Variants in ADCY2 observed in about 807,000 individuals in gnomAD.
ADCY2 encodes the protein adenylate cyclase 2, also known as adenylate cyclase type 2.
A neutral mutation model predicts 125.2 loss-of-function variants in ADCY2; 31 were observed. That is an observed-to-expected ratio of 0.25 (90% CI 0.19 to 0.33). The LOEUF (loss-of-function observed/expected upper bound fraction) is 0.33, where lower values mean the gene tolerates loss of function less well. ADCY2 is among the 10% of genes least tolerant of loss of function. The probability of loss-of-function intolerance (pLI) is 1.00; values close to 1 mark genes in which losing one functional copy is unlikely to be tolerated. For missense variants in ADCY2, 904 were observed against 1,418.2 expected, an observed-to-expected ratio of 0.64 and a Z score of 5.82; for synonymous variants, 512 against 548.4, an observed-to-expected ratio of 0.93 and a Z score of 0.93.
At chr5:7,513,154 TG>T (rs1744134827) in intron 2 of ADCY2, among the ~76,000 whole-genome samples, 2 of 149,864 alleles carry the variant, frequency 1.3e-5, no homozygotes, top group African/African-American at 2.5e-5. Flanking sequence ...GAGAAAGATC[TG>T]GGGAGAGAGG....
intron 2 of ADCY2, among the ~76,000 whole-genome samples, chr5:7,496,959 G>A (rs192464085): frequency 6.6e-6 from 1 of 152,130 alleles, no homozygotes; most frequent in East Asian, 1.9e-4. Flanking sequence ...GTACTTAATT[G>A]ACCCTTAAAT....
intron 2 of ADCY2, among the ~76,000 whole-genome samples, chr5:7,457,573 G>T (rs1315639005): frequency 6.6e-6 from 1 of 152,164 alleles, no homozygotes; most frequent in Non-Finnish European, 1.5e-5. Context: ...AGCGGTGGTG[G>T]GAAGGACTCC....
intron 22 of ADCY2, among the ~76,000 whole-genome samples, chr5:7,810,430 T>G (rs1376951559): frequency 2.6e-5 from 4 of 151,910 alleles, no homozygotes; most frequent in African/African-American, 4.8e-5. Flanking sequence ...ATCTGCCTGA[T>G]GGGTGGGTTA....
Position 7,802,512 on chromosome 5 carries a change from AT to A in ADCY2, c.2775+151del. ...AGATGGCATTAAAGCCTTTTGCTTT[AT>A]TTAGGTCTCTGACTAATTTAAGGTA... On this transcript the variant is annotated intron_variant, in intron 21 of 24. Coordinates refer to ENST00000338316, the MANE Select transcript of ADCY2 (RefSeq NM_020546.3). This position sits in a 1 kb window ranked among gnomAD's most constrained non-coding sequence, Gnocchi z 4.6. 1.2e-6 allele frequency: 1 copy of A among 866,728 alleles called. No individual in the cohort carries two copies. Among genetic ancestry groups the A allele is most frequent in the Non-Finnish European group, 1.7e-6 (1 of 583,814 alleles). The allele number at this position is 866,728 out of a possible 1,614,324, so 53.7% of individuals were successfully genotyped here.
At chr5:7,497,177 C>A (rs909647180) in intron 2 of ADCY2, among the ~76,000 whole-genome samples, 3 of 152,082 alleles carry the variant, frequency 2.0e-5, no homozygotes, top group Non-Finnish European at 2.9e-5. Context: ...CAGTCTCAAC[C>A]AAAATACACA....
intron 4 of ADCY2, among the ~76,000 whole-genome samples, chr5:7,682,845 C>T (rs1740386677): frequency 6.6e-6 from 1 of 152,162 alleles, no homozygotes. Flanking sequence ...ATATAGACAA[C>T]AATAATTTGC....
chr5:7,462,659 G>C (rs1354467675), intron 2 of ADCY2, among the ~76,000 whole-genome samples: 2 of 152,230 alleles, frequency 1.3e-5, no homozygotes, highest in African/African-American at 4.8e-5. Flanking sequence ...CTTTTGAATT[G>C]TTAGGGTGGT....
chr5:7,767,412 G>GA (rs372613601), intron 17 of ADCY2, among the ~76,000 whole-genome samples: 28 of 146,214 alleles, frequency 1.9e-4, no homozygotes, highest in East Asian at 9.9e-4. Flanking sequence ...ATCGTTTGTG[G>GA]AAAAAAAAAA....
intron 2 of ADCY2, among the ~76,000 whole-genome samples, chr5:7,514,019 G>A (rs1449428556): frequency 2.0e-5 from 3 of 152,138 alleles, no homozygotes; most frequent in African/African-American, 7.2e-5. Flanking sequence ...TTAGCTTGCT[G>A]ATTCTGCTTG....
At chr5:7,693,407 T>G (rs1295792024) in intron 5 of ADCY2, among the ~76,000 whole-genome samples, 1 of 38,338 alleles carries the variant, frequency 2.6e-5, no homozygotes, top group Non-Finnish European at 4.8e-5. Context: ...TTGCCTGCTG[T>G]TTTTTGTTTT....
At chr5:7,761,645 G>A (rs112470036) in intron 16 of ADCY2, among the ~76,000 whole-genome samples, 5 of 152,052 alleles carry the variant, frequency 3.3e-5, no homozygotes, top group Non-Finnish European at 7.4e-5. Context: ...AATAAGAAAC[G>A]ATTTCTTTTC....
chr5:7,408,587 C>T (rs113945996), intron 1 of ADCY2, among the ~76,000 whole-genome samples: 1 of 151,782 alleles, frequency 6.6e-6, no homozygotes, highest in Non-Finnish European at 1.5e-5. Flanking sequence ...AGCCTGGGCT[C>T]GAACTCCTGA....
In ADCY2 at chr5:7,455,056, A is replaced by G. The variant is rs190781970; in HGVS notation, c.408+40286A>G. Among the ~76,000 whole-genome samples the G allele has an allele frequency of 7.9e-5, 12 of 152,306 alleles. No individual in the cohort carries two copies. In the East Asian group the frequency reaches 2.3e-3, roughly 29 times the overall value. ...AGAGTAGACATCTAACAGCTTTGCC[A>G]GAACTTTCCACATTCTATACCCCAC... On this transcript the variant is annotated intron_variant, in intron 2 of 24. Transcript: ENST00000338316.
At chr5:7,784,969 T>C (rs1361861248) in intron 19 of ADCY2, among the ~76,000 whole-genome samples, 1 of 152,218 alleles carries the variant, frequency 6.6e-6, no homozygotes, top group Non-Finnish European at 1.5e-5. Flanking sequence ...CCAACCCTTC[T>C]GGTCTCCCAC....
chr5:7,812,493 T>C (rs1744976533), intron 22 of ADCY2, among the ~76,000 whole-genome samples: 1 of 152,192 alleles, frequency 6.6e-6, no homozygotes, highest in African/African-American at 2.4e-5. Context: ...GTGGCTGTCA[T>C]GTCAAGCAGA....
At position 7,546,328 on chromosome 5, in the gene ADCY2, G is replaced by A. The variant is rs774423374; in HGVS notation, c.570+25429G>A. Among the ~76,000 whole-genome samples the A allele has an allele frequency of 5.3e-5, 8 of 152,210 alleles. 1 individual carries two copies. Among genetic ancestry groups the A allele is most frequent in the South Asian group, 4.1e-4 (2 of 4,834 alleles). On this transcript the variant is annotated intron_variant, in intron 3 of 24. Coordinates refer to ENST00000338316, the MANE Select transcript of ADCY2 (RefSeq NM_020546.3). ...ATAATAGAGATGGTGGCTGACAACAGCATTTATTCAGGGCTTCCTATCTGG... is the reference window on the plus strand; with the variant it reads ...ATAATAGAGATGGTGGCTGACAACAACATTTATTCAGGGCTTCCTATCTGG...
chr5:7,600,235 T>G (rs1423136901), intron 3 of ADCY2, among the ~76,000 whole-genome samples: 1 of 152,074 alleles, frequency 6.6e-6, no homozygotes, highest in Non-Finnish European at 1.5e-5. Context: ...AGCATCCCCC[T>G]CAGTGGCCAA....
chr5:7,610,258 C>A (rs1460646416), intron 3 of ADCY2, among the ~76,000 whole-genome samples: 2 of 152,274 alleles, frequency 1.3e-5, no homozygotes, highest in Non-Finnish European at 1.5e-5. Flanking sequence ...TAGACCTGGG[C>A]AGTGCCCTGG....
chr5:7,562,650 GAC>G (rs141765300), intron 3 of ADCY2, among the ~76,000 whole-genome samples: 1,811 of 151,966 alleles, frequency 0.012, 33 homozygotes, highest in African/African-American at 0.041. Flanking sequence ...GACATAGACA[GAC>G]ACACACACAC....
Sources: allele counts gnomAD v4.1 joint callset (sites outside exome capture counted in the v4.1 genomes callset), GRCh38; gene constraint gnomAD v4.1.1; non-coding constraint Gnocchi (gnomAD v3.1); transcripts MANE v1.5; gene names NCBI Gene and HGNC (gene_info 2026-07-23, HGNC 2026-07-21).